Variants in SCEL observed in about 807,000 individuals in gnomAD.
SCEL encodes the protein sciellin.
In SCEL, 113 loss-of-function variants were observed where a neutral mutation model predicts 117.6. The observed-to-expected ratio is 0.96, with a 90% confidence interval of 0.83 to 1.12. The LOEUF (loss-of-function observed/expected upper bound fraction) is 1.12, where lower values mean the gene tolerates loss of function less well. Ranked by LOEUF, SCEL falls within the 50% of genes most tolerant of loss-of-function variation. The pLI is 0.00. For synonymous variants in SCEL, 270 were observed against 256.2 expected (o/e 1.05, Z -0.51); for missense variants, 785 against 810.8 (o/e 0.97, Z 0.39).
At chr13:77,618,518 C>T (rs1367957193) in intron 27 of SCEL, among the ~76,000 whole-genome samples, 5 of 151,990 alleles carry the variant, frequency 3.3e-5, no homozygotes, top group Non-Finnish European at 5.9e-5. Context: ...TTCTTCCTTC[C>T]TGCCTTTCTT....
chr13:77,597,169 C>T (rs1405156592), intron 12 of SCEL: 1 of 217,694 alleles, frequency 4.6e-6, no homozygotes, highest in African/African-American at 2.4e-5. Flanking sequence ...AGAAGTGTGT[C>T]TGATGTAAAA....
intron 9 of SCEL, among the ~76,000 whole-genome samples, chr13:77,577,448 C>T (rs74296858): frequency 6.6e-6 from 1 of 152,090 alleles, no homozygotes; most frequent in Non-Finnish European, 1.5e-5. Flanking sequence ...AGAACTCACT[C>T]ACTATCACTA....
At chr13:77,611,742 C>T (rs1467573772) in intron 22 of SCEL, among the ~76,000 whole-genome samples, 1 of 152,090 alleles carries the variant, frequency 6.6e-6, no homozygotes, top group Non-Finnish European at 1.5e-5. Context: ...GCTCAACCTC[C>T]TTTAAGCCTC....
intron 19 of SCEL, among the ~76,000 whole-genome samples, chr13:77,605,709 A>G (rs1415344091): frequency 6.6e-6 from 1 of 152,208 alleles, no homozygotes; most frequent in Non-Finnish European, 1.5e-5. Flanking sequence ...AATTTTTATT[A>G]AAAATAATAT....
intron 9 of SCEL, among the ~76,000 whole-genome samples, chr13:77,579,635 G>T (rs1007675257): frequency 2.6e-5 from 4 of 152,188 alleles, no homozygotes; most frequent in Admixed American, 6.5e-5. Flanking sequence ...AAACTTGAAG[G>T]CTGGCCCTCA....
intron 29 of SCEL, among the ~76,000 whole-genome samples, chr13:77,635,964 G>C (rs1032080354): frequency 1.4e-4 from 22 of 152,272 alleles, no homozygotes; most frequent in African/African-American, 5.3e-4. Context: ...TGTTCCTGAT[G>C]TGCATCAGAG....
At position 77,549,798 on chromosome 13, in the gene SCEL, C is replaced by G. The variant is rs113939198; in HGVS notation, c.-19-6059C>G. On this transcript the variant is annotated intron_variant, in intron 1 of 32. Coordinates refer to ENST00000349847, the MANE Select transcript of SCEL (RefSeq NM_144777.3). ...AATTATGAATGATCCACGGGTCACT[C>G]AAGACACCAGTTTAACATTTAGGAG... Among the ~76,000 whole-genome samples the G allele has an allele frequency of 2.0e-3, 307 of 152,288 alleles. 1 individual carries two copies. Among genetic ancestry groups the G allele is most frequent in the African/African-American group, 7.0e-3 (291 of 41,536 alleles).
At position 77,563,848 on chromosome 13, in the gene SCEL, A is replaced by G; in HGVS notation, c.239A>G (p.Asp80Gly). 1 of 1,597,502 alleles carries G rather than the reference A, an allele frequency of 6.3e-7. No homozygotes were observed. Among genetic ancestry groups the G allele is most frequent in the Non-Finnish European group, 8.5e-7 (1 of 1,174,826 alleles). The change falls in exon 5 of 33, where the codon GAT becomes GGT. Residue 80 changes from aspartate (D) to glycine (G), a missense_variant. Transcript: ENST00000349847. ...TGCTACAGGAAAGTAAATGAGAGAG[A>G]TGTGCCAAAAGCTACAATTAGTCGG... is the stretch of plus-strand genomic sequence containing the variant. ...DALDRKVNERDVPKATISRYS... is the reference protein window; with the variant it reads ...DALDRKVNERGVPKATISRYS...
Position 77,556,654 on chromosome 13 carries a change from C to T in SCEL, c.102C>T (p.Asn34=). 1 of 1,614,034 alleles carries T rather than the reference C, an allele frequency of 6.2e-7. No individual in the cohort carries two copies. ...TRKQQDFHEV[N]KRRTFLQDNS... is the part of the protein sequence containing the mutation. ...AGCAGCAGGATTTTCACGAGGTGAA[C>T]AAAAGAAGAACTTTCTTACAGGATA... The change falls in exon 3 of 33, where the codon AAC becomes AAT. Residue 34 remains asparagine, a synonymous_variant. Coordinates refer to ENST00000349847, the MANE Select transcript of SCEL (RefSeq NM_144777.3).
chr13:77,547,554 A>T (rs1208912529), intron 1 of SCEL, among the ~76,000 whole-genome samples: 1 of 152,152 alleles, frequency 6.6e-6, no homozygotes, highest in Non-Finnish European at 1.5e-5. Flanking sequence ...TCCTCTGCCC[A>T]TCTGGAAGTT....
At chr13:77,615,758 G>C (rs931170921) in intron 24 of SCEL, among the ~76,000 whole-genome samples, 20 of 152,114 alleles carry the variant, frequency 1.3e-4, no homozygotes, top group African/African-American at 4.3e-4. Flanking sequence ...ATTCAGGACT[G>C]TTCCTGAGAT....
At chr13:77,580,069 A>G (rs769278260) in intron 9 of SCEL, among the ~76,000 whole-genome samples, 5 of 152,250 alleles carry the variant, frequency 3.3e-5, no homozygotes, top group African/African-American at 4.8e-5. Flanking sequence ...GTGTGCAGAT[A>G]TCCACTCATA....
At position 77,605,256 on chromosome 13, in the gene SCEL, T is replaced by C. The variant is rs138068085; in HGVS notation, c.1157+841T>C. On this transcript the variant is annotated intron_variant, in intron 19 of 32. Coordinates refer to ENST00000349847, the MANE Select transcript of SCEL (RefSeq NM_144777.3). ...GTGTCATGGATGCCTGCAGGCCCAG[T>C]TGGGAGGGCAAAGGCTCAGTTAGTT... 9.7e-4 allele frequency among the ~76,000 whole-genome samples: 147 copies of C among 152,278 alleles called. 1 individual carries two copies. The highest frequency in any genetic ancestry group is 3.3e-3 in the African/African-American group (138 of 41,564).
chr13:77,573,366 C>A (rs2085748370), intron 9 of SCEL, among the ~76,000 whole-genome samples: 14 of 152,144 alleles, frequency 9.2e-5, no homozygotes, highest in Admixed American at 8.5e-4. Flanking sequence ...AGAATATTTT[C>A]ATGTTTCAAT....
chr13:77,601,239 A>G (rs975237378), intron 15 of SCEL, among the ~76,000 whole-genome samples: 5 of 152,060 alleles, frequency 3.3e-5, no homozygotes, highest in African/African-American at 7.2e-5. Context: ...TAGGATGTGC[A>G]TCTTAAGTAG....
intron 27 of SCEL, among the ~76,000 whole-genome samples, chr13:77,619,747 T>C (rs2089306971): frequency 6.6e-6 from 1 of 152,162 alleles, no homozygotes; most frequent in Non-Finnish European, 1.5e-5. Context: ...GATTTTTCTT[T>C]TTATCAGTAA....
chr13:77,609,575 T>C (rs2088485110), intron 21 of SCEL, among the ~76,000 whole-genome samples: 1 of 152,162 alleles, frequency 6.6e-6, no homozygotes, highest in African/African-American at 2.4e-5. Flanking sequence ...CAAATCTAAT[T>C]CAGTTACTAA....
At chr13:77,592,142 A>G (rs377687541) in intron 11 of SCEL, among the ~76,000 whole-genome samples, 1 of 152,302 alleles carries the variant, frequency 6.6e-6, no homozygotes, top group East Asian at 1.9e-4. Context: ...ATTACTTTGA[A>G]GTTTAAAACT....
chr13:77,585,382 G>T (rs1339846964), intron 9 of SCEL, among the ~76,000 whole-genome samples: 1 of 152,176 alleles, frequency 6.6e-6, no homozygotes, highest in Non-Finnish European at 1.5e-5. Flanking sequence ...AGAAGGAGGT[G>T]CTCCACAGCG....
Sources: gnomAD v4.1 joint callset for allele counts (sites outside exome capture counted in the v4.1 genomes callset) on GRCh38, gnomAD v4.1.1 for gene constraint, MANE v1.5 for transcripts, NCBI Gene and HGNC (gene_info 2026-07-23, HGNC 2026-07-21) for gene names.